The following CHRNA3 variants were observed in gnomAD, a reference collection of about 807,000 sequenced individuals.
CHRNA3 encodes cholinergic receptor nicotinic alpha 3 subunit, also known as neuronal acetylcholine receptor subunit alpha-3.
CHRNA3 carries 34 observed loss-of-function variants against 41.9 expected under a neutral mutation model. The observed-to-expected ratio is 0.81, with a 90% CI of 0.62 to 1.08. The LOEUF is 1.08. Ranked by LOEUF, CHRNA3 falls within the 50% of genes least tolerant of loss-of-function variation. The pLI is 0.00. For missense variants in CHRNA3, 542 were observed against 638.3 expected, an observed-to-expected ratio of 0.85 and a Z score of 1.63; for synonymous variants, 281 against 265.2, an observed-to-expected ratio of 1.06 and a Z score of -0.58.
intron 4 of CHRNA3, among the ~76,000 whole-genome samples, chr15:78,608,785 G>A (rs1470246572): frequency 6.6e-6 from 1 of 152,038 alleles, no homozygotes; most frequent in Non-Finnish European, 1.5e-5. Context: ...AATACTCCAA[G>A]CTACAGGAGG....
downstream of CHRNA3, chr15:78,594,897 A>T (rs2053075221): frequency 6.6e-6 from 1 of 152,244 alleles, no homozygotes; most frequent in Non-Finnish European, 1.5e-5. Flanking sequence ...TTAGTACAGT[A>T]TAATGTATCA....
intron 1 of CHRNA3, chr15:78,619,744 G>C (rs1373368593): frequency 6.6e-6 from 1 of 152,436 alleles, no homozygotes; most frequent in Non-Finnish European, 1.5e-5. Context: ...TACCGGGTCA[G>C]CTGTCTTCTG....
chr15:78,618,119 C>T (rs2053492534), intron 3 of CHRNA3, among the ~76,000 whole-genome samples: 1 of 152,052 alleles, frequency 6.6e-6, no homozygotes, highest in Non-Finnish European at 1.5e-5. Context: ...TGGTGGTGCA[C>T]AGCTGTGGTC....
chr15:78,618,569 A>G (rs1384344397), intron 3 of CHRNA3, 48 bp downstream of exon 3: 1 of 1,611,108 alleles, frequency 6.2e-7, no homozygotes, highest in Non-Finnish European at 8.5e-7. Context: ...AAAGCAAATA[A>G]AACAGTCACC....
intron 4 of CHRNA3, among the ~76,000 whole-genome samples, chr15:78,604,756 T>C (rs1318457992): frequency 1.3e-5 from 2 of 152,192 alleles, no homozygotes; most frequent in African/African-American, 4.8e-5. Context: ...CTCACACCTG[T>C]AATACTAATA....
chr15:78,615,739 A>AT (rs532401932), intron 4 of CHRNA3, among the ~76,000 whole-genome samples: 1,938 of 101,854 alleles, frequency 0.019, 45 homozygotes, highest in South Asian at 0.027. Context: ...AGGCACCTGT[A>AT]TTTTTTTTTT....
chr15:78,604,448 A>C (rs189621373), intron 4 of CHRNA3, among the ~76,000 whole-genome samples: 13 of 152,342 alleles, frequency 8.5e-5, no homozygotes, highest in Non-Finnish European at 1.5e-4. Context: ...AAATGTGTGC[A>C]TGTGCCCAAA....
At chr15:78,615,265 T>TGCAGGGTACACCGTGTA (rs1285437767) in intron 4 of CHRNA3, among the ~76,000 whole-genome samples, 5 of 152,190 alleles carry the variant, frequency 3.3e-5, no homozygotes, top group African/African-American at 9.7e-5. Flanking sequence ...GGAGGAGGCC[T>TGCAGGGTACACCGTGTA]GCAGGGTACA....
chr15:78,612,154 T>C (rs1453927789), intron 4 of CHRNA3, among the ~76,000 whole-genome samples: 1 of 152,004 alleles, frequency 6.6e-6, no homozygotes, highest in African/African-American at 2.4e-5. Context: ...AGGTAATTTA[T>C]AGATTCAATG....
Position 78,620,772 on chromosome 15 carries a change from A to G in CHRNA3, c.23T>C (p.Leu8Pro), listed in dbSNP as rs1222450259. MGSGPLS[L>P]PLALSPPRLL... ...CCGCGGCGGCGACAGCGCCAGGGGCAGCGAGAGCGGGCCAGAGCCCATGGC... is the reference window on the plus strand; with the variant it reads ...CCGCGGCGGCGACAGCGCCAGGGGCGGCGAGAGCGGGCCAGAGCCCATGGC... The change falls in exon 1 of 6, where the codon CTG becomes CCG. Residue 8 changes from leucine to proline, a missense_variant. Coordinates refer to ENST00000326828, the MANE Select transcript of CHRNA3 (RefSeq NM_000743.5). The G allele has an allele frequency of 2.7e-6, 4 of 1,496,530 alleles. No individual in the cohort carries two copies. The highest frequency in any genetic ancestry group is 3.5e-6 in the Non-Finnish European group (4 of 1,129,762). The allele number at this position is 1,496,530 out of a possible 1,614,324, so 92.7% of individuals were successfully genotyped here. A position where few individuals can be genotyped will look rare whatever the true frequency, so the allele number is the denominator to read the frequency against.
rs2053537909 is a variant in CHRNA3 at position 78,620,739 on chromosome 15, A to AGCAGCC, written c.55_56insGGCTGC (p.Leu18_Leu19insArgLeu). The AGCAGCC allele has an allele frequency of 6.7e-7, 1 of 1,500,710 alleles. No individual in the cohort carries two copies. The allele number at this position is 1,500,710 out of a possible 1,614,324, so 93.0% of individuals were successfully genotyped here. A position where few individuals can be genotyped will look rare whatever the true frequency, so the allele number is the denominator to read the frequency against. On this transcript the variant is annotated inframe_insertion, in exon 1 of 6. Transcript: ENST00000326828. Reference sequence around the variant, plus strand: ...TGGCAGCAGAGACAGCAGCAGCAGCAGCAGCAGCCGCGGCGGCGACAGCGC... The same window carrying AGCAGCC: ...TGGCAGCAGAGACAGCAGCAGCAGCAGCAGCCGCAGCAGCCGCGGCGGCGACAGCGC...
Position 78,618,776 on chromosome 15 carries a change from C to T in CHRNA3, c.222G>A (p.Val74=). Residue 74 remains valine, a splice_region_variant and synonymous_variant, in exon 2 of 6, where the codon GTG becomes GTA. Coordinates refer to ENST00000326828, the MANE Select transcript of CHRNA3 (RefSeq NM_000743.5). ...ACGGCTCGTGGCTTCCAGCACTCAC[C>T]ACCTTCACCAGCTGAGACATGGACA... ...FEVSMSQLVK[V]DEVNQIMETN... The T allele has an allele frequency of 6.2e-7, 1 of 1,614,120 alleles. No individual in the cohort carries two copies. Among genetic ancestry groups the T allele is most frequent in the Non-Finnish European group, 8.5e-7 (1 of 1,180,030 alleles).
intron 4 of CHRNA3, among the ~76,000 whole-genome samples, chr15:78,612,326 G>C (rs1179874614): frequency 1.4e-5 from 2 of 146,416 alleles, no homozygotes; most frequent in Non-Finnish European, 3.0e-5. Flanking sequence ...ATAGTACAAG[G>C]CTACAGTAAC....
chr15:78,608,858 T>C (rs1339473085), intron 4 of CHRNA3, among the ~76,000 whole-genome samples: 3 of 152,066 alleles, frequency 2.0e-5, no homozygotes, highest in Admixed American at 1.3e-4. Context: ...AATGGATAAC[T>C]AGAATAACCA....
chr15:78,614,586 A>G (rs573498774), intron 4 of CHRNA3, among the ~76,000 whole-genome samples: 1 of 152,354 alleles, frequency 6.6e-6, no homozygotes, highest in African/African-American at 2.4e-5. Context: ...CTAACTGTAA[A>G]ATCAATACTA....
At chr15:78,608,494 A>G (rs1242788197) in intron 4 of CHRNA3, among the ~76,000 whole-genome samples, 4 of 152,172 alleles carry the variant, frequency 2.6e-5, no homozygotes, top group Non-Finnish European at 5.9e-5. Flanking sequence ...CCTCTAGCAA[A>G]CTCCAACAGA....
downstream of CHRNA3, chr15:78,593,609 C>T (rs200133737): frequency 6.1e-6 from 1 of 163,038 alleles, no homozygotes. Context: ...GATTTTAAAA[C>T]TTTTCTGCAT....
At chr15:78,616,539 G>C (rs2053465250) in intron 4 of CHRNA3, among the ~76,000 whole-genome samples, 1 of 152,146 alleles carries the variant, frequency 6.6e-6, no homozygotes, top group Non-Finnish European at 1.5e-5. Flanking sequence ...GCTGCTAACA[G>C]ATGCTACATT....
chr15:78,609,925 A>C (rs971606635), intron 4 of CHRNA3, among the ~76,000 whole-genome samples: 21 of 152,228 alleles, frequency 1.4e-4, no homozygotes, highest in Non-Finnish European at 2.9e-4. Flanking sequence ...CAGGGGTTGC[A>C]ATCCTAGTCT....
Sources: allele counts gnomAD v4.1 joint callset (sites outside exome capture counted in the v4.1 genomes callset), GRCh38; gene constraint gnomAD v4.1.1; transcripts MANE v1.5; gene names NCBI Gene and HGNC (gene_info 2026-07-23, HGNC 2026-07-21).